Variants in MINK1 observed in about 807,000 individuals in gnomAD.
MINK1 encodes the protein misshapen like kinase 1.
In MINK1, 46 loss-of-function variants were observed where a neutral mutation model predicts 178.4. That is an observed-to-expected ratio of 0.26 (90% CI 0.20 to 0.33). MINK1 has a LOEUF of 0.33. Among genes scored for constraint, MINK1 ranks in the 10% least tolerant of loss-of-function variants. The pLI, the probability that MINK1 is intolerant of heterozygous loss-of-function variation, is 1.00. For synonymous variants in MINK1, 797 were observed against 709.7 expected (o/e 1.12, Z -1.96); for missense variants, 1,366 against 1,814.9 (o/e 0.75, Z 4.49).
At chr17:4,875,194 A>C in intron 1 of MINK1, 1 of 519,704 alleles carries the variant, frequency 1.9e-6, no homozygotes, top group Non-Finnish European at 3.9e-6. Context: ...CTGAAGACGG[A>C]TGAGATGACT....
In MINK1 at chr17:4,887,844, C is replaced by A; in HGVS notation, c.1230+54C>A. On this transcript the variant is annotated intron_variant, in intron 12 of 31. Transcript: ENST00000355280. This position sits in a 1 kb window ranked among gnomAD's most constrained non-coding sequence, Gnocchi z 7.6. ...GGCGCGGCCTCCTCCTGACCTGCCC[C>A]GGGTCCATTAGGGCCTTGGAGAACA... 2 of 1,390,706 alleles carry A rather than the reference C, an allele frequency of 1.4e-6. No individual in the cohort carries two copies. The highest frequency in any genetic ancestry group is 3.3e-5 in the Admixed American group (1 of 30,534). 86.1% of individuals were successfully genotyped at this position (1,390,706 alleles called of 1,614,324 possible).
intron 2 of MINK1, among the ~76,000 whole-genome samples, chr17:4,880,169 A>G (rs1967559746): frequency 1.3e-5 from 2 of 152,168 alleles, no homozygotes; most frequent in African/African-American, 4.8e-5. Context: ...TGAGCCTGTA[A>G]CTTGGAAGTC....
chr17:4,845,574 C>T (rs147747162), intron 1 of MINK1, among the ~76,000 whole-genome samples: 37 of 152,160 alleles, frequency 2.4e-4, no homozygotes, highest in African/African-American at 8.4e-4. Flanking sequence ...CCAGGTCAGG[C>T]TCTGTATTCC....
chr17:4,893,721 G>C (rs1281164327), intron 21 of MINK1, 124 bp downstream of exon 21: 3 of 1,342,028 alleles, frequency 2.2e-6, no homozygotes, highest in Non-Finnish European at 3.0e-6. Flanking sequence ...CTAGAGAGTG[G>C]GGTGAGGGTG....
chr17:4,894,457 ACAG>A lies in MINK1; in HGVS notation c.2809-61_2809-59del, dbSNP rs958751562. The A allele has an allele frequency of 1.5e-4, 229 of 1,517,212 alleles. No individual in the cohort carries two copies. The highest frequency in any genetic ancestry group is 5.1e-4 in the Middle Eastern group (3 of 5,890). 94.0% of individuals were successfully genotyped at this position (1,517,212 alleles called of 1,614,324 possible). On this transcript the variant is annotated intron_variant, in intron 23 of 31. Coordinates refer to ENST00000355280, the MANE Select transcript of MINK1 (RefSeq NM_153827.5). The surrounding 1 kb of genome is among the most constrained non-coding windows in gnomAD (Gnocchi z 4.1). Reference sequence around the variant, plus strand: ...CAGTTGGGGAGCTGGAGCCTGGGGAACAGCAGCAGGGGCAGGGCCGCAGCTGGA... The same window carrying A: ...CAGTTGGGGAGCTGGAGCCTGGGGAACAGCAGGGGCAGGGCCGCAGCTGGA...
At chr17:4,835,980 G>C (rs1269417342) in intron 1 of MINK1, among the ~76,000 whole-genome samples, 1 of 152,130 alleles carries the variant, frequency 6.6e-6, no homozygotes, top group Non-Finnish European at 1.5e-5. Context: ...GCAAGGGCTT[G>C]AGGGAGGGCT....
intron 1 of MINK1, among the ~76,000 whole-genome samples, chr17:4,854,373 G>T (rs919534372): frequency 6.6e-6 from 1 of 152,246 alleles, no homozygotes; most frequent in Non-Finnish European, 1.5e-5. Flanking sequence ...GTCTGAGGCA[G>T]CCAGATCTGT....
In MINK1 at chr17:4,896,629, G is replaced by T. The variant is rs753175263; in HGVS notation, c.3775+41G>T. The T allele has an allele frequency of 1.2e-6, 2 of 1,611,362 alleles. No individual in the cohort carries two copies. The highest frequency in any genetic ancestry group is 2.2e-5 in the South Asian group (2 of 90,870). On this transcript the variant is annotated intron_variant, in intron 30 of 31. Coordinates refer to ENST00000355280, the MANE Select transcript of MINK1 (RefSeq NM_153827.5). The surrounding 1 kb of genome is among the most constrained non-coding windows in gnomAD (Gnocchi z 4.6). Reference sequence around the variant, plus strand: ...CCCTCCCAGCCACATGCCCCGAGGTGGCCCCGGGGTGCAGCCTGCTCAGCC... The same window carrying T: ...CCCTCCCAGCCACATGCCCCGAGGTTGCCCCGGGGTGCAGCCTGCTCAGCC...
rs1366800689 is a variant in MINK1, at chr17:4,885,876, G to T, written c.640-35G>T. The stretch of plus-strand genomic sequence containing the variant: ...GAGAGGTTGCAGGGCAGAGTTGTCA[G>T]GAATATTCACTTGTTCCTTCTTTCC... On this transcript the variant is annotated intron_variant, in intron 7 of 31. Transcript: ENST00000355280. The surrounding 1 kb of genome is among the most constrained non-coding windows in gnomAD (Gnocchi z 5.0). 6.2e-7 allele frequency: 1 copy of T among 1,610,532 alleles called. No individual in the cohort carries two copies. The highest frequency in any genetic ancestry group is 1.3e-5 in the African/African-American group (1 of 74,926).
intron 1 of MINK1, among the ~76,000 whole-genome samples, chr17:4,849,453 A>G (rs1173981310): frequency 6.6e-6 from 1 of 152,164 alleles, no homozygotes; most frequent in East Asian, 1.9e-4. Context: ...GCGGCTCAGG[A>G]TGCTGGGCTC....
chr17:4,876,823 C>T (rs1279957800), intron 1 of MINK1, among the ~76,000 whole-genome samples: 1 of 152,024 alleles, frequency 6.6e-6, no homozygotes, highest in African/African-American at 2.4e-5. Context: ...CGTGGTGGCT[C>T]ACACCTGTAA....
chr17:4,881,733 T>C (rs1281279435), intron 4 of MINK1, among the ~76,000 whole-genome samples: 1 of 152,224 alleles, frequency 6.6e-6, no homozygotes, highest in African/African-American at 2.4e-5. Flanking sequence ...TGGGTCATCA[T>C]TCAAAACAGA....
In MINK1 at chr17:4,896,608, C is replaced by A; in HGVS notation, c.3775+20C>A. 1 of 1,613,362 alleles carries A rather than the reference C, an allele frequency of 6.2e-7. No homozygotes were observed. ...CTGTGGGTGAGTGAGCTGCCGCCCT[C>A]CCAGCCACATGCCCCGAGGTGGCCC... On this transcript the variant is annotated intron_variant, in intron 30 of 31. Coordinates refer to ENST00000355280, the MANE Select transcript of MINK1 (RefSeq NM_153827.5). The surrounding 1 kb of genome is among the most constrained non-coding windows in gnomAD (Gnocchi z 4.6).
intron 21 of MINK1, 180 bp downstream of exon 21, chr17:4,893,777 CTCT>C: frequency 2.9e-6 from 3 of 1,031,220 alleles, no homozygotes; most frequent in Non-Finnish European, 4.1e-6. Flanking sequence ...GTGGGGTGGC[CTCT>C]TCAAGTGCCT....
chr17:4,880,649 C>T (rs1187920200), intron 2 of MINK1, among the ~76,000 whole-genome samples: 4 of 149,360 alleles, frequency 2.7e-5, no homozygotes, highest in African/African-American at 9.8e-5. Context: ...CCTGTCATCC[C>T]AGCACTTTGG....
chr17:4,855,190 TAA>T (rs151257228), intron 1 of MINK1, among the ~76,000 whole-genome samples: 19 of 130,150 alleles, frequency 1.5e-4, no homozygotes, highest in Non-Finnish European at 1.7e-4. Context: ...ACTCCTGTCT[TAA>T]AAAAAAAAAA....
intron 1 of MINK1, chr17:4,859,189 C>G (rs1913709245): frequency 1.0e-6 from 1 of 985,332 alleles, no homozygotes. Context: ...GCTTCTTTCC[C>G]AAGGACTTCC....
chr17:4,847,140 G>A (rs773626620), intron 1 of MINK1: 9 of 471,168 alleles, frequency 1.9e-5, no homozygotes, highest in Admixed American at 4.5e-5. Flanking sequence ...CTAACACAAC[G>A]GGCTGTTTGA....
At chr17:4,859,599 C>A (rs1420667347) in intron 1 of MINK1, among the ~76,000 whole-genome samples, 1 of 151,770 alleles carries the variant, frequency 6.6e-6, no homozygotes, top group Non-Finnish European at 1.5e-5. Flanking sequence ...ACCAGCCTGG[C>A]CAACATGGTG....
Sources: gnomAD v4.1 joint callset for allele counts (sites outside exome capture counted in the v4.1 genomes callset) on GRCh38, gnomAD v4.1.1 for gene constraint, Gnocchi (gnomAD v3.1) non-coding constraint, MANE v1.5 for transcripts, NCBI Gene and HGNC (gene_info 2026-07-23, HGNC 2026-07-21) for gene names.